GRIP1: variants seen among roughly 807,000 people sequenced by gnomAD.
The protein encoded by GRIP1 is glutamate receptor interacting protein 1.
GRIP1 carries 45 observed loss-of-function variants against 129.9 expected under a neutral mutation model. That is an observed-to-expected ratio of 0.35 (90% CI 0.27 to 0.44). The LOEUF is 0.44. Ranked by LOEUF, GRIP1 falls within the 20% of genes least tolerant of loss-of-function variation. The pLI, the probability that GRIP1 is intolerant of heterozygous loss-of-function variation, is 1.00. For synonymous variants in GRIP1, 530 were observed against 520.8 expected (o/e 1.02, Z -0.24); for missense variants, 1,196 against 1,396.8 (o/e 0.86, Z 2.29).
At chr12:66,526,039 A>C (rs2061223355) in intron 5 of GRIP1, among the ~76,000 whole-genome samples, 1 of 152,216 alleles carries the variant, frequency 6.6e-6, no homozygotes, top group Admixed American at 6.5e-5. Context: ...AGAGGATACA[A>C]ACAAATGGAA....
rs1260558926 is a variant in GRIP1, at chr12:66,973,923, T to C, written c.58+95127A>G. The stretch of plus-strand genomic sequence containing the variant: ...AGAAGGCTTTTCTTTTCTTTTCTTT[T>C]TTTTTTTTTTTTTTGAGTCAGAGTC... On this transcript the variant is annotated intron_variant, in intron 1 of 1. Coordinates refer to the GRIP1 transcript ENST00000643019. Among the ~76,000 whole-genome samples the C allele has an allele frequency of 4.8e-5, 7 of 146,758 alleles. No individual in the cohort carries two copies. In the South Asian group the frequency reaches 1.1e-3, roughly 23 times the overall value.
intron 1 of GRIP1, among the ~76,000 whole-genome samples, chr12:66,840,428 G>A (rs1022081437): frequency 3.9e-5 from 6 of 152,156 alleles, no homozygotes; most frequent in East Asian, 1.9e-4. Context: ...ACAAAACAAC[G>A]TAAGAGGCAA....
intron 1 of GRIP1, among the ~76,000 whole-genome samples, chr12:66,915,715 G>A (rs2041110000): frequency 6.6e-6 from 1 of 152,234 alleles, no homozygotes; most frequent in Admixed American, 6.5e-5. Context: ...CAATGAACTT[G>A]TGAGGCCTCA....
intron 1 of GRIP1, among the ~76,000 whole-genome samples, chr12:66,733,339 A>G (rs965215511): frequency 6.6e-6 from 1 of 152,142 alleles, no homozygotes; most frequent in Non-Finnish European, 1.5e-5. Flanking sequence ...CAATATACTC[A>G]AGCCAATAAA....
At chr12:66,821,706 G>C (rs74366812) in intron 1 of GRIP1, among the ~76,000 whole-genome samples, 1 of 152,220 alleles carries the variant, frequency 6.6e-6, no homozygotes, top group East Asian at 1.9e-4. Flanking sequence ...ACAAACCATT[G>C]AGATCACCAG....
At chr12:66,645,737 A>G (rs1853747173) in intron 1 of GRIP1, among the ~76,000 whole-genome samples, 1 of 152,252 alleles carries the variant, frequency 6.6e-6, no homozygotes, top group Admixed American at 6.5e-5. Context: ...CTTTTAGAGT[A>G]TGCATCTTCT....
chr12:66,992,032 A>G (rs1401656196), intron 1 of GRIP1, among the ~76,000 whole-genome samples: 1 of 152,198 alleles, frequency 6.6e-6, no homozygotes, highest in African/African-American at 2.4e-5. Flanking sequence ...TACAATCTTC[A>G]CATTTCCAAG....
intron 1 of GRIP1, among the ~76,000 whole-genome samples, chr12:66,719,301 G>A (rs1230229657): frequency 1.3e-5 from 2 of 152,150 alleles, no homozygotes; most frequent in Non-Finnish European, 2.9e-5. Context: ...TTTGCACAAT[G>A]TGAAAAGAAC....
chr12:66,960,412 G>A (rs945033064), intron 1 of GRIP1, among the ~76,000 whole-genome samples: 1 of 152,154 alleles, frequency 6.6e-6, no homozygotes, highest in African/African-American at 2.4e-5. Context: ...GTAGATGGAG[G>A]TGCCTTATTA....
chr12:66,524,364 A>T (rs1358964353), intron 5 of GRIP1, among the ~76,000 whole-genome samples: 1 of 152,236 alleles, frequency 6.6e-6, no homozygotes, highest in African/African-American at 2.4e-5. Context: ...AGAACTCAGG[A>T]TTAAGAAACT....
intron 1 of GRIP1, among the ~76,000 whole-genome samples, chr12:66,943,912 G>T (rs997631629): frequency 6.6e-6 from 1 of 152,088 alleles, no homozygotes; most frequent in African/African-American, 2.4e-5. Context: ...ATTCTCATAG[G>T]TTAAGTATTT....
chr12:66,900,892 T>A (rs966320221), intron 1 of GRIP1, among the ~76,000 whole-genome samples: 1 of 152,206 alleles, frequency 6.6e-6, no homozygotes, highest in African/African-American at 2.4e-5. Context: ...ACTAGCAGTT[T>A]CTAAGCTAAA....
intron 15 of GRIP1, among the ~76,000 whole-genome samples, chr12:66,420,092 G>T (rs1003371757): frequency 1.3e-5 from 2 of 152,004 alleles, no homozygotes; most frequent in Non-Finnish European, 1.5e-5. Flanking sequence ...GGTGACACTC[G>T]GTCTCAAAAA....
chr12:66,456,399 C>A, intron 9 of GRIP1, 57 bp from the exon 10 acceptor site: 23 of 934,564 alleles, frequency 2.5e-5, no homozygotes, highest in Middle Eastern at 3.0e-4. Context: ...AACAAAGAAC[C>A]AAAAAAGAGG....
intron 1 of GRIP1, among the ~76,000 whole-genome samples, chr12:67,039,426 T>C (rs553923671): frequency 4.6e-5 from 7 of 152,296 alleles, no homozygotes; most frequent in Admixed American, 1.3e-4. Context: ...TCAGATAGGA[T>C]AAAAGGCAGT....
intron 7 of GRIP1, among the ~76,000 whole-genome samples, chr12:66,477,179 G>T (rs566765585): frequency 3.3e-5 from 5 of 152,164 alleles, no homozygotes; most frequent in African/African-American, 9.7e-5. Flanking sequence ...CTTCAGCAAA[G>T]TCTCAGGATA....
chr12:66,647,652 C>A (rs2032478854), intron 1 of GRIP1, among the ~76,000 whole-genome samples: 2 of 152,020 alleles, frequency 1.3e-5, no homozygotes, highest in African/African-American at 4.8e-5. Context: ...AAAATAAGAC[C>A]CTTATTAGGG....
At chr12:66,525,705 A>C (rs536167838) in intron 5 of GRIP1, among the ~76,000 whole-genome samples, 2,045 of 152,206 alleles carry the variant, frequency 0.013, 30 homozygotes, top group Non-Finnish European at 0.022. Context: ...AGAAGGAAAT[A>C]AAGGGTATTC....
intron 1 of GRIP1, among the ~76,000 whole-genome samples, chr12:66,780,984 G>A (rs1459258463): frequency 6.6e-6 from 1 of 152,124 alleles, no homozygotes; most frequent in Admixed American, 6.6e-5. Context: ...CAAACTGTCT[G>A]CTGTGCTCCA....
Sources: gnomAD v4.1 joint callset for allele counts (sites outside exome capture counted in the v4.1 genomes callset) on GRCh38, gnomAD v4.1.1 for gene constraint, MANE v1.5 for transcripts, NCBI Gene and HGNC (gene_info 2026-07-23, HGNC 2026-07-21) for gene names.